SYN3: variants seen among roughly 807,000 people sequenced by gnomAD.
SYN3 encodes the protein synapsin-3.
In SYN3, 35 loss-of-function variants were observed where a neutral mutation model predicts 65.8. That is an observed-to-expected ratio of 0.53 (90% CI 0.41 to 0.70). SYN3 has a LOEUF of 0.70. Ranked by LOEUF, SYN3 falls within the 30% of genes least tolerant of loss-of-function variation. SYN3 has a pLI of 0.00. For missense variants in SYN3, 680 were observed against 749.0 expected, an observed-to-expected ratio of 0.91 and a Z score of 1.08; for synonymous variants, 270 against 292.9, an observed-to-expected ratio of 0.92 and a Z score of 0.80.
intron 6 of SYN3, among the ~76,000 whole-genome samples, chr22:32,596,970 T>C (rs1424540253): frequency 1.3e-5 from 2 of 152,196 alleles, no homozygotes; most frequent in African/African-American, 4.8e-5. Context: ...CACCCATCAA[T>C]CTGCAGAGAC....
chr22:32,531,090 C>T (rs928781265), intron 10 of SYN3, among the ~76,000 whole-genome samples: 1 of 141,814 alleles, frequency 7.1e-6, no homozygotes. Context: ...GCCAGGGCCC[C>T]GGAAAACAGG....
intron 6 of SYN3, among the ~76,000 whole-genome samples, chr22:32,621,471 TCTCA>T (rs1488923215): frequency 2.0e-5 from 3 of 152,094 alleles, no homozygotes; most frequent in Non-Finnish European, 4.4e-5. Flanking sequence ...AGAAAAACCA[TCTCA>T]GATGGAGGGT....
At chr22:32,870,244 C>T (rs1309138342) in intron 4 of SYN3, among the ~76,000 whole-genome samples, 2 of 152,098 alleles carry the variant, frequency 1.3e-5, no homozygotes, top group East Asian at 3.9e-4. Flanking sequence ...TCCTAACAAC[C>T]TTTGTATATA....
intron 4 of SYN3, among the ~76,000 whole-genome samples, chr22:32,870,437 T>A (rs1226010965): frequency 1.3e-5 from 2 of 152,240 alleles, no homozygotes; most frequent in Admixed American, 6.5e-5. Context: ...CACTGAATGA[T>A]ATATCATAAT....
At chr22:32,814,166 GAA>G (rs1491450292) in intron 6 of SYN3, among the ~76,000 whole-genome samples, 2,473 of 102,236 alleles carry the variant, frequency 0.024, 17 homozygotes, top group Non-Finnish European at 0.032. Context: ...GAGAGAGAGA[GAA>G]AGAGAAAGAA....
chr22:32,945,012 C>A (rs2051061157), intron 3 of SYN3, among the ~76,000 whole-genome samples: 1 of 152,142 alleles, frequency 6.6e-6, no homozygotes, highest in African/African-American at 2.4e-5. Flanking sequence ...TCAAGGAGAA[C>A]TACAAACCAC....
rs991472001 is a variant in SYN3, at chr22:32,923,844, C to T, written c.461+7546G>A. 3.9e-5 allele frequency among the ~76,000 whole-genome samples: 6 copies of T among 152,274 alleles called. 1 individual carries two copies. The highest frequency in any genetic ancestry group is 1.9e-4 in the East Asian group (1 of 5,178). ...TTTTTTCTGATCCTCTCCCTCCTCC[C>T]ACCCTTCACCCTCAAGTAGGCCTCA... On this transcript the variant is annotated intron_variant, in intron 4 of 13. Coordinates refer to ENST00000358763, the MANE Select transcript of SYN3 (RefSeq NM_003490.4).
intron 3 of SYN3, among the ~76,000 whole-genome samples, chr22:32,970,136 C>T (rs2051972588): frequency 6.6e-6 from 1 of 152,160 alleles, no homozygotes; most frequent in Admixed American, 6.5e-5. Context: ...TTTCTATATG[C>T]TAGGCTCTGC....
intron 3 of SYN3, among the ~76,000 whole-genome samples, chr22:32,975,353 G>A (rs1272865195): frequency 6.9e-6 from 1 of 144,564 alleles, no homozygotes; most frequent in Non-Finnish European, 1.5e-5. Context: ...CCAGCCCAGC[G>A]ACAGAGTGAG....
chr22:32,931,484 G>A lies in SYN3; in HGVS notation c.370-3C>T, dbSNP rs746352311. 6.2e-7 allele frequency: 1 copy of A among 1,609,484 alleles called. No individual in the cohort carries two copies. Among genetic ancestry groups the A allele is most frequent in the Non-Finnish European group, 8.5e-7 (1 of 1,175,964 alleles). On this transcript the variant is annotated splice_polypyrimidine_tract_variant and splice_region_variant and intron_variant, in intron 3 of 13. Transcript: ENST00000358763. ...AGGTTCAACTCTGAGAATTCAGCCTGAAGAATAAAGCAAAGCAAAAAAGGA... is the reference window on the plus strand; with the variant it reads ...AGGTTCAACTCTGAGAATTCAGCCTAAAGAATAAAGCAAAGCAAAAAAGGA...
chr22:32,597,026 C>A (rs939972400), intron 6 of SYN3, among the ~76,000 whole-genome samples: 2 of 152,116 alleles, frequency 1.3e-5, no homozygotes, highest in African/African-American at 4.8e-5. Flanking sequence ...GGCTTTACCG[C>A]TGTGCAACTT....
rs192249508 is a variant in SYN3, at chr22:32,597,381, A to G, written c.712-645T>C. Among the ~76,000 whole-genome samples the G allele has an allele frequency of 5.2e-3, 784 of 151,696 alleles. 6 individuals carry two copies. Among genetic ancestry groups the G allele is most frequent in the African/African-American group, 0.018 (741 of 41,358 alleles). ...CAGATGCCTGCCACCATGCCTGGCT[A>G]ATTTTTGTATTTCTAGTAGAGATGG... On this transcript the variant is annotated intron_variant, in intron 6 of 13. Transcript: ENST00000358763.
intron 4 of SYN3, among the ~76,000 whole-genome samples, chr22:32,901,334 T>C (rs529893498): frequency 2.2e-4 from 33 of 152,216 alleles, no homozygotes; most frequent in Non-Finnish European, 3.8e-4. Context: ...TGAACATCAG[T>C]TTCCTCACTG....
chr22:32,990,971 G>A (rs894097719), intron 2 of SYN3, among the ~76,000 whole-genome samples: 1 of 152,090 alleles, frequency 6.6e-6, no homozygotes, highest in African/African-American at 2.4e-5. Context: ...AGATCACAAG[G>A]TCAAGAGATC....
chr22:32,574,586 G>T (rs1239286033), intron 7 of SYN3, among the ~76,000 whole-genome samples: 1 of 152,220 alleles, frequency 6.6e-6, no homozygotes, highest in African/African-American at 2.4e-5. Context: ...GTTTAGCCTT[G>T]CTGGTTTCTC....
chr22:33,000,361 G>T (rs1569394753), intron 2 of SYN3, among the ~76,000 whole-genome samples: 1 of 152,162 alleles, frequency 6.6e-6, no homozygotes, highest in Non-Finnish European at 1.5e-5. Context: ...GCCTGGCCAT[G>T]AGTTCTCCCA....
intron 7 of SYN3, among the ~76,000 whole-genome samples, chr22:32,571,967 C>G (rs1469333298): frequency 1.3e-5 from 2 of 151,982 alleles, no homozygotes; most frequent in African/African-American, 4.8e-5. Context: ...CCCTTAAGGT[C>G]TAGCCCAGAA....
chr22:32,943,281 G>T (rs2050997134), intron 3 of SYN3, among the ~76,000 whole-genome samples: 1 of 152,184 alleles, frequency 6.6e-6, no homozygotes, highest in South Asian at 2.1e-4. Flanking sequence ...AAGAGAGTGA[G>T]GGCCAATATT....
At chr22:33,030,448 G>C (rs991235144) in intron 1 of SYN3, among the ~76,000 whole-genome samples, 4 of 152,124 alleles carry the variant, frequency 2.6e-5, no homozygotes, top group African/African-American at 9.7e-5. Context: ...ACAGAGAAGA[G>C]AGAGAGGCTG....
Sources: gnomAD v4.1 joint callset for allele counts (sites outside exome capture counted in the v4.1 genomes callset) on GRCh38, gnomAD v4.1.1 for gene constraint, MANE v1.5 for transcripts, NCBI Gene and HGNC (gene_info 2026-07-23, HGNC 2026-07-21) for gene names.